Variants in PTPN13 observed in about 807,000 individuals in gnomAD.
PTPN13 encodes tyrosine-protein phosphatase non-receptor type 13.
A neutral mutation model predicts 284.0 loss-of-function variants in PTPN13; 191 were observed. The observed-to-expected ratio is 0.67, with a 90% CI of 0.60 to 0.76. PTPN13 has a LOEUF of 0.76. Among genes scored for constraint, PTPN13 ranks in the 30% least tolerant of loss-of-function variants. The pLI is 0.00. For synonymous variants in PTPN13, 986 were observed against 1,022.3 expected, an observed-to-expected ratio of 0.96 and a Z score of 0.68; for missense variants, 2,797 against 2,939.9, an observed-to-expected ratio of 0.95 and a Z score of 1.12.
intron 15 of PTPN13, among the ~76,000 whole-genome samples, chr4:86,741,242 C>G (rs1167634708): frequency 6.6e-6 from 1 of 152,194 alleles, no homozygotes; most frequent in Non-Finnish European, 1.5e-5. Context: ...CATTTTCACA[C>G]TGCTGATAAA....
intron 16 of PTPN13, among the ~76,000 whole-genome samples, chr4:86,743,184 T>C (rs1000497852): frequency 2.6e-5 from 4 of 152,184 alleles, no homozygotes; most frequent in Non-Finnish European, 5.9e-5. Context: ...GAATCAAATA[T>C]TCTTTGTATG....
intron 2 of PTPN13, among the ~76,000 whole-genome samples, chr4:86,657,379 C>T (rs1725974291): frequency 6.6e-6 from 1 of 152,200 alleles, no homozygotes; most frequent in Admixed American, 6.5e-5. Context: ...CACTGCAACT[C>T]TTGCAGACCC....
intron 1 of PTPN13, among the ~76,000 whole-genome samples, chr4:86,626,793 A>G (rs1190516272): frequency 6.6e-6 from 1 of 152,144 alleles, no homozygotes; most frequent in African/African-American, 2.4e-5. Context: ...AAAAAGTTAT[A>G]TGTGGATTTT....
chr4:86,774,467 A>G lies in PTPN13; in HGVS notation c.5444A>G (p.His1815Arg), dbSNP rs372126190. The change falls in exon 33 of 48, where the codon CAT (histidine) becomes CGT (arginine). Residue 1815 changes from histidine (H) to arginine (R), a missense_variant. Transcript: ENST00000411767. ...AATCAGAGAATTGGTTGTTATGTTC[A>G]TGATGTCATACAGGATCCAGCCAAA... is the stretch of plus-strand genomic sequence containing the variant. Reference protein sequence around the residue: ...KGNQRIGCYVHDVIQDPAKSD... With the variant: ...KGNQRIGCYVRDVIQDPAKSD... 76 of 1,605,688 alleles carry G rather than the reference A, an allele frequency of 4.7e-5. No individual in the cohort carries two copies. In the African/African-American group the frequency reaches 8.7e-4, roughly 18 times the overall value.
At chr4:86,628,652 C>A (rs1169778892) in intron 1 of PTPN13, among the ~76,000 whole-genome samples, 1 of 102,594 alleles carries the variant, frequency 9.7e-6, no homozygotes, top group East Asian at 3.4e-4. Context: ...TCCCTCCCCC[C>A]TCCCCCGACC....
At chr4:86,621,456 CA>C (rs1255862358) in intron 1 of PTPN13, among the ~76,000 whole-genome samples, 2 of 152,128 alleles carry the variant, frequency 1.3e-5, no homozygotes, top group African/African-American at 4.8e-5. Flanking sequence ...ATCTGCAATT[CA>C]AAATCCAAAA....
At chr4:86,763,316 T>C in intron 24 of PTPN13, 126 bp downstream of exon 24, 3 of 808,562 alleles carry the variant, frequency 3.7e-6, no homozygotes, top group Non-Finnish European at 5.8e-6. Flanking sequence ...AGTTTATATC[T>C]TCTAATTGCT....
chr4:86,802,179 G>A (rs998435409), intron 42 of PTPN13, among the ~76,000 whole-genome samples: 2 of 150,046 alleles, frequency 1.3e-5, no homozygotes, highest in African/African-American at 4.9e-5. Context: ...GTGTGTGTGT[G>A]GTGTGTAAGG....
intron 1 of PTPN13, among the ~76,000 whole-genome samples, chr4:86,611,921 C>T (rs1402725400): frequency 6.6e-6 from 1 of 152,152 alleles, no homozygotes; most frequent in Non-Finnish European, 1.5e-5. Context: ...CAAAAGGATT[C>T]AAAGAAACCG....
rs763945262 is a variant in PTPN13, at chr4:86,693,647, C to T, written c.607C>T (p.Arg203Ter). ...TGATCGAAGCCAGGCTATTCGAGATCGATTGCGAGGAAAAGGATTACCAAC... is the reference window on the plus strand; with the variant it reads ...TGATCGAAGCCAGGCTATTCGAGATTGATTGCGAGGAAAAGGATTACCAAC... ...KPDRSQAIRD[R>*]LRGKGLPTGR... Residue 203 changes from arginine to a stop codon, truncating the protein, a stop_gained, in exon 6 of 48, where the codon CGA becomes TGA. Transcript: ENST00000411767. LOFTEE classifies it high-confidence loss of function. 1 of 1,554,424 alleles carries T rather than the reference C, an allele frequency of 6.4e-7. No homozygotes were observed. The highest frequency in any genetic ancestry group is 1.2e-5 in the South Asian group (1 of 83,680).
chr4:86,672,754 G>T (rs1455821080), intron 3 of PTPN13, among the ~76,000 whole-genome samples: 1 of 152,134 alleles, frequency 6.6e-6, no homozygotes, highest in Non-Finnish European at 1.5e-5. Context: ...TTAACCATTA[G>T]AAGCACATGT....
chr4:86,790,333 GGT>G (rs1742471953), intron 40 of PTPN13, among the ~76,000 whole-genome samples: 1 of 152,074 alleles, frequency 6.6e-6, no homozygotes, highest in Non-Finnish European at 1.5e-5. Context: ...TCATATTACA[GGT>G]GTCATTTTTA....
intron 2 of PTPN13, among the ~76,000 whole-genome samples, chr4:86,670,433 G>C (rs1487184192): frequency 6.6e-6 from 1 of 151,610 alleles, no homozygotes; most frequent in Non-Finnish European, 1.5e-5. Context: ...ATGGCACTCT[G>C]TCCTTTTAAT....
chr4:86,693,084 A>ATT, intron 5 of PTPN13, among the ~76,000 whole-genome samples: 2 of 151,376 alleles, frequency 1.3e-5, no homozygotes, highest in African/African-American at 4.8e-5. Context: ...AAAAAAAAAA[A>ATT]AAAAAAAAAG....
chr4:86,784,536 A>G lies in PTPN13; in HGVS notation c.6096A>G (p.Ser2032=). Residue 2032 remains serine, a synonymous_variant, in exon 38 of 48, where the codon TCA becomes TCG. Coordinates refer to ENST00000411767, the MANE Select transcript of PTPN13 (RefSeq NM_080683.3). ...GTTCTACTTATCAGATAAAGGGATC[A>G]CCAAACTTGACTCTGCCCAAAGGTA... ...GKCSTYQIKG[S]PNLTLPKESY... 6.2e-7 allele frequency: 1 copy of G among 1,607,546 alleles called. No homozygotes were observed. The highest frequency in any genetic ancestry group is 8.5e-7 in the Non-Finnish European group (1 of 1,177,470).
intron 35 of PTPN13, among the ~76,000 whole-genome samples, chr4:86,776,787 T>A (rs1490377208): frequency 1.3e-5 from 2 of 152,256 alleles, no homozygotes. Context: ...ATGTAATTTA[T>A]TGAATACTGT....
intron 2 of PTPN13, among the ~76,000 whole-genome samples, chr4:86,657,893 A>C (rs1356640469): frequency 1.3e-5 from 2 of 152,184 alleles, no homozygotes; most frequent in African/African-American, 4.8e-5. Flanking sequence ...TGTCTCCCCA[A>C]GAGCTGCACT....
At chr4:86,607,494 A>G (rs991530472) in intron 1 of PTPN13, among the ~76,000 whole-genome samples, 1 of 152,008 alleles carries the variant, frequency 6.6e-6, no homozygotes, top group African/African-American at 2.4e-5. Flanking sequence ...GGTACACGCA[A>G]TCCTGTGAAG....
At chr4:86,663,573 C>G (rs990377402) in intron 2 of PTPN13, among the ~76,000 whole-genome samples, 2 of 152,118 alleles carry the variant, frequency 1.3e-5, no homozygotes, top group African/African-American at 2.4e-5. Flanking sequence ...TTCCTGCTTC[C>G]GTGGTTTTCT....
Sources: gnomAD v4.1 joint callset for allele counts (sites outside exome capture counted in the v4.1 genomes callset) on GRCh38, gnomAD v4.1.1 for gene constraint, MANE v1.5 for transcripts, NCBI Gene and HGNC (gene_info 2026-07-23, HGNC 2026-07-21) for gene names.